MGAT4C: variants seen among roughly 807,000 people sequenced by gnomAD.
The protein encoded by MGAT4C is MGAT4 family member C.
In MGAT4C, 19 loss-of-function variants were observed where a neutral mutation model predicts 40.1. The ratio of observed to expected loss-of-function variants is 0.47; its 90% confidence interval spans 0.33 to 0.70. The LOEUF (loss-of-function observed/expected upper bound fraction) is 0.70. Among genes scored for constraint, MGAT4C ranks in the 30% least tolerant of loss-of-function variants. The pLI is 0.02. For missense variants in MGAT4C, 491 were observed against 563.2 expected (o/e 0.87, Z 1.30); for synonymous variants, 181 against 187.1 (o/e 0.97, Z 0.27).
At chr12:86,691,706 A>G (rs984710066) in intron 2 of MGAT4C, among the ~76,000 whole-genome samples, 3 of 152,162 alleles carry the variant, frequency 2.0e-5, no homozygotes, top group Non-Finnish European at 4.4e-5. Flanking sequence ...TCACATATTT[A>G]TATCTGGCAT....
chr12:86,774,315 C>CTTTCT (rs1555227766), intron 1 of MGAT4C, among the ~76,000 whole-genome samples: 1 of 59,328 alleles, frequency 1.7e-5, no homozygotes, highest in African/African-American at 5.4e-5. Flanking sequence ...TTCTTTCTTT[C>CTTTCT]TTTCTTTCTT....
At chr12:86,831,830 A>T (rs1371185952) in intron 1 of MGAT4C, among the ~76,000 whole-genome samples, 1 of 151,868 alleles carries the variant, frequency 6.6e-6, no homozygotes, top group African/African-American at 2.4e-5. Context: ...ACCTGGAATT[A>T]TTAAGCCTGT....
intron 4 of MGAT4C, among the ~76,000 whole-genome samples, chr12:86,277,853 G>C (rs1592636064): frequency 6.6e-6 from 1 of 152,154 alleles, no homozygotes; most frequent in South Asian, 2.1e-4. Flanking sequence ...TGATTTTGTT[G>C]TGTAGGATAG....
At chr12:86,685,792 A>T (rs527583357) in intron 2 of MGAT4C, among the ~76,000 whole-genome samples, 7 of 151,942 alleles carry the variant, frequency 4.6e-5, no homozygotes, top group African/African-American at 1.7e-4. Flanking sequence ...TCTTTGTAGC[A>T]ATTGTGAATG....
intron 4 of MGAT4C, among the ~76,000 whole-genome samples, chr12:86,284,459 GAAGTTTA>G: frequency 6.6e-6 from 1 of 151,744 alleles, no homozygotes; most frequent in Non-Finnish European, 1.5e-5. Flanking sequence ...CGATTATGCT[GAAGTTTA>G]AACTAGTCTG....
At position 86,632,305 on chromosome 12, in the gene MGAT4C, G is replaced by T. The variant is rs569218114; in HGVS notation, c.-229+94904C>A. 2.0e-5 allele frequency among the ~76,000 whole-genome samples: 3 copies of T among 152,218 alleles called. No individual in the cohort carries two copies. The East Asian group carries it at 5.8e-4, about 29-fold the overall frequency. On this transcript the variant is annotated intron_variant, in intron 2 of 7. Transcript: ENST00000548651. ...AAATAGGAATGCTTTTACACTGTTG[G>T]GGGGACTGTAAACTAGTTCAACCAT... is the stretch of plus-strand genomic sequence containing the variant.
chr12:86,830,451 T>G (rs1330307687), intron 1 of MGAT4C, among the ~76,000 whole-genome samples: 2 of 151,842 alleles, frequency 1.3e-5, no homozygotes, highest in Non-Finnish European at 2.9e-5. Context: ...CATGACTCTA[T>G]GTGTACATAT....
intron 2 of MGAT4C, among the ~76,000 whole-genome samples, chr12:86,015,353 G>A (rs1197332792): frequency 2.6e-5 from 4 of 152,008 alleles, no homozygotes; most frequent in Non-Finnish European, 5.9e-5. Context: ...GCTGCCTCCC[G>A]ACAAGCTGTT....
chr12:86,307,603 T>A (rs575786125), intron 4 of MGAT4C, among the ~76,000 whole-genome samples: 1 of 150,616 alleles, frequency 6.6e-6, no homozygotes, highest in African/African-American at 2.5e-5. Flanking sequence ...CAGTTTTCTG[T>A]AGAAAATTAG....
intron 3 of MGAT4C, among the ~76,000 whole-genome samples, chr12:86,420,905 GTA>G (rs1956814086): frequency 6.7e-6 from 1 of 148,556 alleles, no homozygotes; most frequent in Admixed American, 6.7e-5. Context: ...ATACATACGT[GTA>G]TATGTGTATA....
chr12:86,626,195 A>G (rs976725629), intron 2 of MGAT4C, among the ~76,000 whole-genome samples: 3 of 152,184 alleles, frequency 2.0e-5, no homozygotes, highest in Non-Finnish European at 2.9e-5. Context: ...TGCTGTGAAG[A>G]AGATTTTTTT....
At chr12:86,305,033 A>T (rs892886673) in intron 4 of MGAT4C, among the ~76,000 whole-genome samples, 1 of 150,778 alleles carries the variant, frequency 6.6e-6, no homozygotes, top group Non-Finnish European at 1.5e-5. Flanking sequence ...TAGGAAATTG[A>T]CAGATATCTG....
chr12:86,578,703 T>C (rs951695217), intron 2 of MGAT4C, among the ~76,000 whole-genome samples: 5 of 151,872 alleles, frequency 3.3e-5, no homozygotes, highest in African/African-American at 1.2e-4. Flanking sequence ...GTATCAGTTG[T>C]AATGTTTCCT....
At chr12:86,788,525 T>A (rs1951971862) in intron 1 of MGAT4C, among the ~76,000 whole-genome samples, 1 of 152,180 alleles carries the variant, frequency 6.6e-6, no homozygotes, top group Admixed American at 6.6e-5. Flanking sequence ...TTCTTTTCCT[T>A]TAAATCTAGG....
chr12:86,565,264 T>C (rs538317886), intron 2 of MGAT4C, among the ~76,000 whole-genome samples: 64 of 152,264 alleles, frequency 4.2e-4, no homozygotes, highest in Non-Finnish European at 7.2e-4. Flanking sequence ...ACAAATTACA[T>C]GAAGAAGTGG....
At chr12:86,603,338 A>G (rs1242645537) in intron 2 of MGAT4C, among the ~76,000 whole-genome samples, 1 of 136,030 alleles carries the variant, frequency 7.4e-6, no homozygotes, top group Non-Finnish European at 1.5e-5. Context: ...TATATAGTAT[A>G]GTATATAATT....
At chr12:86,489,601 G>T (rs555938136) in intron 2 of MGAT4C, among the ~76,000 whole-genome samples, 1 of 152,292 alleles carries the variant, frequency 6.6e-6, no homozygotes, top group South Asian at 2.1e-4. Flanking sequence ...ACCCTGACCT[G>T]GATGCTACTG....
chr12:86,589,438 G>A (rs1961223408), intron 2 of MGAT4C, among the ~76,000 whole-genome samples: 1 of 151,946 alleles, frequency 6.6e-6, no homozygotes, highest in Non-Finnish European at 1.5e-5. Flanking sequence ...AAGAGTCCAG[G>A]ACCAGATGGA....
chr12:86,289,611 G>C (rs1953451442), intron 4 of MGAT4C, among the ~76,000 whole-genome samples: 2 of 152,026 alleles, frequency 1.3e-5, no homozygotes, highest in African/African-American at 4.8e-5. Flanking sequence ...TCCTTGTAGA[G>C]ATCATTCACC....
Sources: gnomAD v4.1 joint callset for allele counts (sites outside exome capture counted in the v4.1 genomes callset) on GRCh38, gnomAD v4.1.1 for gene constraint, MANE v1.5 for transcripts, NCBI Gene and HGNC (gene_info 2026-07-23, HGNC 2026-07-21) for gene names.